CPNE4: variants seen among roughly 807,000 people sequenced by gnomAD.
The protein encoded by CPNE4 is copine 4.
In CPNE4, 25 loss-of-function variants were observed where a neutral mutation model predicts 67.9. That is an observed-to-expected ratio of 0.37 (90% CI 0.27 to 0.51). The LOEUF is 0.51. CPNE4 is among the 20% of genes least tolerant of loss of function. The pLI, the probability that CPNE4 is intolerant of heterozygous loss-of-function variation, is 0.93. For missense variants in CPNE4, 464 were observed against 690.8 expected, an observed-to-expected ratio of 0.67 and a Z score of 3.68; for synonymous variants, 242 against 244.9, an observed-to-expected ratio of 0.99 and a Z score of 0.11.
At chr3:131,585,184 T>C (rs1479900467) in intron 8 of CPNE4, among the ~76,000 whole-genome samples, 1 of 152,212 alleles carries the variant, frequency 6.6e-6, no homozygotes, top group Non-Finnish European at 1.5e-5. Flanking sequence ...GAAACTGGTT[T>C]AGTTTTGTAA....
intron 9 of CPNE4, among the ~76,000 whole-genome samples, chr3:131,578,923 C>G (rs1455564953): frequency 6.6e-6 from 1 of 152,142 alleles, no homozygotes; most frequent in Admixed American, 6.5e-5. Context: ...GCAGCAAATG[C>G]TGATGGAAAA....
intron 8 of CPNE4, among the ~76,000 whole-genome samples, chr3:131,583,175 C>A (rs990889831): frequency 2.0e-5 from 3 of 152,138 alleles, no homozygotes; most frequent in Non-Finnish European, 4.4e-5. Flanking sequence ...AGACCCCTAG[C>A]CTTGTTTTTG....
At chr3:131,645,964 A>G (rs2079653648) in intron 7 of CPNE4, among the ~76,000 whole-genome samples, 2 of 152,202 alleles carry the variant, frequency 1.3e-5, no homozygotes, top group South Asian at 4.1e-4. Context: ...CTATGCATGA[A>G]AGGCTTTGCT....
At position 131,720,124 on chromosome 3, in the gene CPNE4, G is replaced by A. The variant is rs188775815; in HGVS notation, c.360+3322C>T. On this transcript the variant is annotated intron_variant, in intron 3 of 15. Transcript: ENST00000429747. ...TGTCAGCTCCCCACTCATGTTCCCA[G>A]GCCCTATGACTTGAGTGCCCATCAC... Among the ~76,000 whole-genome samples, 798 of 152,168 alleles carry A rather than the reference G, an allele frequency of 5.2e-3. 10 individuals carry two copies. Among genetic ancestry groups the A allele is most frequent in the Non-Finnish European group, 4.2e-3 (289 of 68,002 alleles).
rs555985156 is a variant in CPNE4, at chr3:131,908,350, G to A, written c.-1-2906C>T. On this transcript the variant is annotated intron_variant, in intron 1 of 15. Transcript: ENST00000429747. ...TACAGAAAATGAAATTTACAACAAAGCAAAGGGAGAAAAAGAATCAGCTGG... is the reference window on the plus strand; with the variant it reads ...TACAGAAAATGAAATTTACAACAAAACAAAGGGAGAAAAAGAATCAGCTGG... Among the ~76,000 whole-genome samples the A allele has an allele frequency of 8.5e-5, 13 of 152,242 alleles. No homozygotes were observed. The South Asian group carries it at 2.5e-3, about 29-fold the overall frequency.
chr3:131,541,561 A>ATTCAAAGATTACTT, intron 15 of CPNE4, among the ~76,000 whole-genome samples: 1 of 151,666 alleles, frequency 6.6e-6, no homozygotes, highest in Non-Finnish European at 1.5e-5. Context: ...AGAGAGGGCA[A>ATTCAAAGATTACTT]TTCAAAGATT....
At chr3:131,698,328 T>C (rs1275578749) in intron 4 of CPNE4, among the ~76,000 whole-genome samples, 3 of 150,992 alleles carry the variant, frequency 2.0e-5, no homozygotes, top group Non-Finnish European at 4.4e-5. Context: ...AGAGAAAATA[T>C]GGCAAGATGA....
chr3:131,843,569 G>A (rs370250951), intron 2 of CPNE4, among the ~76,000 whole-genome samples: 1 of 152,220 alleles, frequency 6.6e-6, no homozygotes. Flanking sequence ...GTGAAAAGGA[G>A]TTATTTTCTC....
intron 1 of CPNE4, among the ~76,000 whole-genome samples, chr3:131,981,992 G>A (rs530172901): frequency 2.6e-5 from 4 of 152,150 alleles, no homozygotes; most frequent in Admixed American, 1.3e-4. Flanking sequence ...TCTGGGGATC[G>A]CTGGTTTGTT....
At position 131,865,720 on chromosome 3, in the gene CPNE4, T is replaced by C. The variant is rs1279945602; in HGVS notation, c.180+39544A>G. 2.6e-5 allele frequency among the ~76,000 whole-genome samples: 4 copies of C among 152,192 alleles called. No homozygotes were observed. In the East Asian group the frequency reaches 7.7e-4, roughly 29 times the overall value. On this transcript the variant is annotated intron_variant, in intron 2 of 15. Coordinates refer to ENST00000429747, the MANE Select transcript of CPNE4 (RefSeq NM_130808.3). ...TAGCATGCCATACACATCTGTAGAC[T>C]GAAAAGCAATTTAGCACGTGTACAA...
chr3:131,719,602 A>G (rs9826951), intron 3 of CPNE4, among the ~76,000 whole-genome samples: 113,672 of 152,030 alleles, frequency 0.75, 42,809 homozygotes, highest in Non-Finnish European at 0.81. Context: ...CCATCATGAT[A>G]TTTTCAGTTC....
chr3:131,693,543 G>A (rs2081079374), intron 5 of CPNE4, among the ~76,000 whole-genome samples: 1 of 152,164 alleles, frequency 6.6e-6, no homozygotes, highest in South Asian at 2.1e-4. Context: ...TATTTGTGCT[G>A]TATTCAATCT....
At chr3:131,779,902 C>A (rs1260201610) in intron 2 of CPNE4, among the ~76,000 whole-genome samples, 2 of 151,986 alleles carry the variant, frequency 1.3e-5, no homozygotes, top group Non-Finnish European at 2.9e-5. Flanking sequence ...AAACAGATAA[C>A]CTATAAAATG....
chr3:131,954,002 A>T (rs1452814382), intron 1 of CPNE4, among the ~76,000 whole-genome samples: 1 of 152,178 alleles, frequency 6.6e-6, no homozygotes, highest in Admixed American at 6.5e-5. Flanking sequence ...TATCACATAC[A>T]CCCCATAAAT....
At chr3:131,648,324 G>T (rs1250343512) in intron 7 of CPNE4, among the ~76,000 whole-genome samples, 1 of 152,324 alleles carries the variant, frequency 6.6e-6, no homozygotes, top group South Asian at 2.1e-4. Flanking sequence ...AGTGAGCTGT[G>T]GTTGTGCCAC....
chr3:131,536,166 G>C (rs1481806244), intron 15 of CPNE4, among the ~76,000 whole-genome samples: 1 of 152,152 alleles, frequency 6.6e-6, no homozygotes, highest in Non-Finnish European at 1.5e-5. Context: ...TTGAGACCAG[G>C]TGATGGAGAG....
rs2107616904 is a variant in CPNE4, at chr3:131,533,900, C to T, written c.*1295G>A. 6.6e-6 allele frequency: 1 copy of T among 152,316 alleles called. No individual in the cohort carries two copies. The highest frequency in any genetic ancestry group is 1.9e-4 in the East Asian group (1 of 5,178). 9.4% of individuals were successfully genotyped at this position (152,316 alleles called of 1,614,324 possible). A position where few individuals can be genotyped will look rare whatever the true frequency, so the allele number is the denominator to read the frequency against. On this transcript the variant is annotated 3_prime_UTR_variant, in exon 16 of 16. Transcript: ENST00000429747. Reference sequence around the variant, plus strand: ...AAGATTATACAAGTTAAACATTCGTCCTTTTGGTTCCAGACTGGCCAGCTT... The same window carrying T: ...AAGATTATACAAGTTAAACATTCGTTCTTTTGGTTCCAGACTGGCCAGCTT...
At chr3:131,551,140 T>C (rs1936150119) in intron 13 of CPNE4, among the ~76,000 whole-genome samples, 1 of 152,102 alleles carries the variant, frequency 6.6e-6, no homozygotes, top group Non-Finnish European at 1.5e-5. Flanking sequence ...TTATTCTCCA[T>C]AACCACCATG....
chr3:131,686,557 T>A (rs918636000), intron 5 of CPNE4, among the ~76,000 whole-genome samples: 1 of 152,224 alleles, frequency 6.6e-6, no homozygotes, highest in African/African-American at 2.4e-5. Flanking sequence ...AGGATTAAGC[T>A]ATTTAGAGGA....
Sources: gnomAD v4.1 joint callset for allele counts (sites outside exome capture counted in the v4.1 genomes callset) on GRCh38, gnomAD v4.1.1 for gene constraint, MANE v1.5 for transcripts, NCBI Gene and HGNC (gene_info 2026-07-23, HGNC 2026-07-21) for gene names.